The following TUBGCP3 variants were observed in gnomAD, a reference collection of about 807,000 sequenced individuals.
The protein encoded by TUBGCP3 is gamma-tubulin complex component 3.
TUBGCP3 carries 50 observed loss-of-function variants against 123.1 expected under a neutral mutation model. The observed-to-expected ratio is 0.41, with a 90% CI of 0.32 to 0.51. TUBGCP3 has a LOEUF of 0.51. Ranked by LOEUF, TUBGCP3 falls within the 20% of genes least tolerant of loss-of-function variation. The probability of loss-of-function intolerance (pLI) is 0.36; values close to 1 mark genes in which losing one functional copy is unlikely to be tolerated. For missense variants in TUBGCP3, 882 were observed against 1,127.0 expected, an observed-to-expected ratio of 0.78 and a Z score of 3.11; for synonymous variants, 405 against 413.9, an observed-to-expected ratio of 0.98 and a Z score of 0.26.
At chr13:112,585,362 T>C (rs1383725918) in intron 1 of TUBGCP3, among the ~76,000 whole-genome samples, 2 of 152,226 alleles carry the variant, frequency 1.3e-5, no homozygotes, top group African/African-American at 4.8e-5. Context: ...AATTCTTCAG[T>C]AAATAGCAGC....
intron 21 of TUBGCP3, among the ~76,000 whole-genome samples, chr13:112,488,706 C>T (rs1879852442): frequency 7.0e-6 from 1 of 143,156 alleles, no homozygotes; most frequent in Non-Finnish European, 1.5e-5. Flanking sequence ...TCCCCACACC[C>T]ACCACAGGGG....
intron 5 of TUBGCP3, 124 bp from the exon 6 acceptor site, chr13:112,556,348 T>C (rs1880040896): frequency 2.1e-6 from 2 of 935,202 alleles, no homozygotes; most frequent in African/African-American, 3.3e-5. Flanking sequence ...GTATAGCTGA[T>C]ACCATGACTT....
intron 19 of TUBGCP3, among the ~76,000 whole-genome samples, chr13:112,501,449 T>C (rs1031526677): frequency 6.6e-6 from 1 of 152,224 alleles, no homozygotes; most frequent in Non-Finnish European, 1.5e-5. Context: ...CAGGAGGCCA[T>C]TCTTTGGCAA....
chr13:112,533,921 G>A (rs963390458), intron 11 of TUBGCP3, among the ~76,000 whole-genome samples: 2 of 151,418 alleles, frequency 1.3e-5, no homozygotes, highest in African/African-American at 4.9e-5. Flanking sequence ...CACCCGAGCA[G>A]TGTACACTGC....
intron 11 of TUBGCP3, among the ~76,000 whole-genome samples, chr13:112,544,310 G>C (rs1878798389): frequency 6.6e-6 from 1 of 152,008 alleles, no homozygotes; most frequent in Non-Finnish European, 1.5e-5. Flanking sequence ...AAATTAGCCA[G>C]GCATGGTGGC....
intron 11 of TUBGCP3, among the ~76,000 whole-genome samples, chr13:112,528,585 A>G (rs1877318642): frequency 6.6e-6 from 1 of 152,236 alleles, no homozygotes; most frequent in Non-Finnish European, 1.5e-5. Flanking sequence ...ATATACAAAA[A>G]TTCTTTGTAC....
At chr13:112,500,656 C>T (rs1234517009) in intron 19 of TUBGCP3, among the ~76,000 whole-genome samples, 5 of 151,934 alleles carry the variant, frequency 3.3e-5, no homozygotes, top group African/African-American at 9.7e-5. Flanking sequence ...TAAAAGAAAC[C>T]GAGATAACAG....
At chr13:112,560,908 C>T (rs1880464355) in intron 3 of TUBGCP3, among the ~76,000 whole-genome samples, 1 of 152,154 alleles carries the variant, frequency 6.6e-6, no homozygotes, top group African/African-American at 2.4e-5. Context: ...TCACAGCTCA[C>T]AAAAGGGCTT....
intron 1 of TUBGCP3, among the ~76,000 whole-genome samples, chr13:112,573,739 C>G (rs61962887): frequency 1.3e-5 from 2 of 152,334 alleles, no homozygotes; most frequent in Non-Finnish European, 2.9e-5. Flanking sequence ...GTGGGATAGC[C>G]TGCCTGTCTG....
At chr13:112,587,816 C>T (rs1882727276) in intron 1 of TUBGCP3, 89 bp downstream of exon 1, 4 of 1,216,012 alleles carry the variant, frequency 3.3e-6, no homozygotes, top group East Asian at 6.0e-5. Flanking sequence ...CATCCTCGTT[C>T]CTCCAGCCCC....
In TUBGCP3 at chr13:112,522,479, G is replaced by A. The variant is rs764933556; in HGVS notation, c.1586C>T (p.Ala529Val). 1.2e-6 allele frequency: 2 copies of A among 1,613,598 alleles called. No homozygotes were observed. Among genetic ancestry groups the A allele is most frequent in the Non-Finnish European group, 1.7e-6 (2 of 1,179,562 alleles). ...AADLFTDLEN[A>V]FQGKIDAAYF... is the part of the protein sequence containing the mutation. ...AGCAGCATCAATCTTCCCCTGAAAT[G>A]CATTTTCCAAGTCTGTGAATAGGTC... The change falls in exon 14 of 22, where the codon GCA becomes GTA. Residue 529 changes from alanine (A) to valine (V), a missense_variant. Ala to Val is a moderately conservative substitution (Grantham distance 64). Transcript: ENST00000261965.
At chr13:112,496,704 T>C (rs962860078) in intron 20 of TUBGCP3, among the ~76,000 whole-genome samples, 1 of 151,702 alleles carries the variant, frequency 6.6e-6, no homozygotes, top group African/African-American at 2.4e-5. Flanking sequence ...TCCGAAGGAG[T>C]GGCCGGGCGC....
Position 112,565,106 on chromosome 13 carries a change from T to A in TUBGCP3, c.252+5A>T. ...TGCAATGACCTCCAGAATTCTGCACTGTACCTGTGAATGAAGTTTTCTGTG... is the reference window on the plus strand; with the variant it reads ...TGCAATGACCTCCAGAATTCTGCACAGTACCTGTGAATGAAGTTTTCTGTG... On this transcript the variant is annotated splice_donor_5th_base_variant and intron_variant, in intron 3 of 21. Coordinates refer to ENST00000261965, the MANE Select transcript of TUBGCP3 (RefSeq NM_006322.6). The A allele has an allele frequency of 6.2e-7, 1 of 1,613,428 alleles. No homozygotes were observed. The highest frequency in any genetic ancestry group is 1.1e-5 in the South Asian group (1 of 91,026).
chr13:112,588,731 C>T (rs113961595), upstream of TUBGCP3, among the ~76,000 whole-genome samples: 1 of 152,176 alleles, frequency 6.6e-6, no homozygotes, highest in Admixed American at 6.5e-5. Flanking sequence ...AACTTCAGTG[C>T]AATCGTTAAA....
chr13:112,589,813 G>C (rs1046442497), upstream of TUBGCP3, among the ~76,000 whole-genome samples: 7 of 152,130 alleles, frequency 4.6e-5, no homozygotes, highest in Non-Finnish European at 7.4e-5. Context: ...TGAACAAAAA[G>C]ATCAAACCAT....
At chr13:112,534,776 T>G (rs969741719) in intron 11 of TUBGCP3, among the ~76,000 whole-genome samples, 2 of 152,272 alleles carry the variant, frequency 1.3e-5, no homozygotes, top group East Asian at 3.9e-4. Flanking sequence ...ACATTTTTTT[T>G]TAGAGGAAAT....
At chr13:112,585,197 A>C (rs769003152) in intron 1 of TUBGCP3, among the ~76,000 whole-genome samples, 3 of 152,230 alleles carry the variant, frequency 2.0e-5, no homozygotes, top group Non-Finnish European at 2.9e-5. Flanking sequence ...GTCATCAAAG[A>C]ATAAGGTAAT....
the TUBGCP3 span, among the ~76,000 whole-genome samples, chr13:112,601,742 C>T: frequency 7.9e-4 from 121 of 152,250 alleles, 1 homozygote; most frequent in Admixed American, 4.2e-3. Context: ...AGCCTCTTTC[C>T]GGATTCATCT....
intron 21 of TUBGCP3, among the ~76,000 whole-genome samples, chr13:112,487,319 G>A (rs924769938): frequency 2.6e-5 from 4 of 152,088 alleles, no homozygotes; most frequent in African/African-American, 4.8e-5. Context: ...CGCTGGCACC[G>A]CCACAGAGAG....
Sources: gnomAD v4.1 joint callset for allele counts (sites outside exome capture counted in the v4.1 genomes callset) on GRCh38, gnomAD v4.1.1 for gene constraint, MANE v1.5 for transcripts, NCBI Gene and HGNC (gene_info 2026-07-23, HGNC 2026-07-21) for gene names.